CCDC102B: variants seen among roughly 807,000 people sequenced by gnomAD.
CCDC102B encodes the protein coiled-coil domain containing 102B.
Under a neutral mutation model 57.4 loss-of-function variants are expected in CCDC102B, and 75 were observed. The observed-to-expected ratio is 1.31, with a 90% CI of 1.08 to 1.58. The LOEUF (loss-of-function observed/expected upper bound fraction) is 1.58. CCDC102B is among the 40% of genes most tolerant of loss of function. CCDC102B has a pLI of 0.00. For synonymous variants in CCDC102B, 206 were observed against 201.9 expected (o/e 1.02, Z -0.17); for missense variants, 636 against 582.6 (o/e 1.09, Z -0.94).
intron 6 of CCDC102B, among the ~76,000 whole-genome samples, chr18:68,946,052 G>A (rs2049528958): frequency 6.6e-6 from 1 of 151,838 alleles, no homozygotes; most frequent in Non-Finnish European, 1.5e-5. Flanking sequence ...CTGGAAAGTA[G>A]TTTGTAGCTT....
intron 1 of CCDC102B, among the ~76,000 whole-genome samples, chr18:68,813,818 T>G (rs2144719425): frequency 6.6e-6 from 1 of 150,914 alleles, no homozygotes; most frequent in South Asian, 2.1e-4. Flanking sequence ...TGTAGAACAC[T>G]TTTGAAAGGG....
At chr18:68,911,368 A>G (rs2040839976) in intron 6 of CCDC102B, among the ~76,000 whole-genome samples, 1 of 152,186 alleles carries the variant, frequency 6.6e-6, no homozygotes, top group Non-Finnish European at 1.5e-5. Flanking sequence ...CTCACTTACA[A>G]GAGGGTGTTA....
intron 6 of CCDC102B, among the ~76,000 whole-genome samples, chr18:68,920,582 A>G (rs1448428296): frequency 1.3e-5 from 2 of 152,126 alleles, no homozygotes; most frequent in Non-Finnish European, 2.9e-5. Flanking sequence ...CACTTCTCAC[A>G]CTGCTATGAA....
rs529625104 is a variant in CCDC102B, at chr18:68,832,172, A to G, written c.-15-4577A>G. Among the ~76,000 whole-genome samples the G allele has an allele frequency of 1.2e-4, 18 of 152,328 alleles. No homozygotes were observed. The South Asian group carries it at 3.5e-3, about 30-fold the overall frequency. On this transcript the variant is annotated intron_variant, in intron 1 of 7. Coordinates refer to ENST00000360242, the MANE Select transcript of CCDC102B (RefSeq NM_024781.3). Reference sequence around the variant, plus strand: ...TAAGATAAAGCAATAACGATAAACAATAAGACAAAAATCTTTTTAATGTCT... The same window carrying G: ...TAAGATAAAGCAATAACGATAAACAGTAAGACAAAAATCTTTTTAATGTCT...
chr18:68,884,628 C>T (rs2039814481), intron 5 of CCDC102B, among the ~76,000 whole-genome samples: 1 of 150,858 alleles, frequency 6.6e-6, no homozygotes, highest in African/African-American at 2.4e-5. Context: ...ACATCTCCAT[C>T]ATATATACAT....
chr18:68,817,779 G>T (rs141459036), intron 1 of CCDC102B, among the ~76,000 whole-genome samples: 37 of 152,258 alleles, frequency 2.4e-4, no homozygotes, highest in African/African-American at 8.7e-4. Context: ...CACATCATCT[G>T]CTGAGACTCA....
chr18:68,909,714 G>T (rs1193752131), intron 6 of CCDC102B, among the ~76,000 whole-genome samples: 1 of 152,154 alleles, frequency 6.6e-6, no homozygotes, highest in Non-Finnish European at 1.5e-5. Context: ...AAGACTGGCT[G>T]GCTATGTGCA....
At chr18:68,784,476 G>A (rs1438865743) in intron 2 of CCDC102B, among the ~76,000 whole-genome samples, 1 of 151,968 alleles carries the variant, frequency 6.6e-6, no homozygotes, top group Non-Finnish European at 1.5e-5. Context: ...ATTACAATTC[G>A]ACATGAAATT....
intron 5 of CCDC102B, 65 bp downstream of exon 5, chr18:68,874,850 C>T (rs1324482200): frequency 9.8e-7 from 1 of 1,023,348 alleles, no homozygotes; most frequent in Non-Finnish European, 1.5e-6. Context: ...AAATGCCATA[C>T]TATTTTAAGT....
chr18:68,730,858 C>G (rs1190699942), intron 2 of CCDC102B, among the ~76,000 whole-genome samples: 1 of 152,142 alleles, frequency 6.6e-6, no homozygotes, highest in Non-Finnish European at 1.5e-5. Context: ...AAGGTATCAA[C>G]AGTATCAAAA....
intron 5 of CCDC102B, among the ~76,000 whole-genome samples, chr18:68,880,247 C>T (rs1272797439): frequency 6.6e-6 from 1 of 152,220 alleles, no homozygotes; most frequent in Non-Finnish European, 1.5e-5. Context: ...GGTGCTAAGC[C>T]CCTCATTGCC....
At chr18:68,723,477 AG>A (rs2032451829) in intron 2 of CCDC102B, among the ~76,000 whole-genome samples, 1 of 152,230 alleles carries the variant, frequency 6.6e-6, no homozygotes, top group African/African-American at 2.4e-5. Context: ...CAAAATCAAA[AG>A]CAAGGCAGTT....
intron 2 of CCDC102B, among the ~76,000 whole-genome samples, chr18:68,780,765 G>A (rs1310872759): frequency 2.6e-5 from 4 of 151,954 alleles, no homozygotes; most frequent in Non-Finnish European, 5.9e-5. Flanking sequence ...ATGTTACTTG[G>A]ATCAGAAACA....
At chr18:68,786,629 G>A (rs2144648177) in intron 2 of CCDC102B, among the ~76,000 whole-genome samples, 1 of 139,356 alleles carries the variant, frequency 7.2e-6, no homozygotes, top group African/African-American at 2.7e-5. Flanking sequence ...CTCTCTGTTT[G>A]TCTGTTATTG....
intron 5 of CCDC102B, among the ~76,000 whole-genome samples, chr18:68,884,167 T>A (rs1294786758): frequency 6.6e-6 from 1 of 152,072 alleles, no homozygotes; most frequent in Non-Finnish European, 1.5e-5. Context: ...CCTCTGCGAA[T>A]ATACATAAAG....
At chr18:68,919,824 T>C (rs2041211530) in intron 6 of CCDC102B, among the ~76,000 whole-genome samples, 1 of 152,184 alleles carries the variant, frequency 6.6e-6, no homozygotes. Flanking sequence ...CTTCAATAAT[T>C]GTTGTGGTGA....
intron 6 of CCDC102B, among the ~76,000 whole-genome samples, chr18:68,968,369 A>G (rs757186812): frequency 1.3e-5 from 2 of 152,162 alleles, no homozygotes; most frequent in Non-Finnish European, 2.9e-5. Flanking sequence ...CTTTGCTTTA[A>G]ACTTCTTATT....
intron 5 of CCDC102B, among the ~76,000 whole-genome samples, chr18:68,891,653 G>A (rs183434232): frequency 2.6e-5 from 4 of 152,280 alleles, no homozygotes; most frequent in African/African-American, 9.6e-5. Context: ...TCAGTCTCTG[G>A]TGAGGTCTCT....
At position 68,934,835 on chromosome 18, in the gene CCDC102B, C is replaced by T. The variant is rs534757891; in HGVS notation, c.1263+37407C>T. ...TCATTCAATGAATATTTAGTACCTC[C>T]TCTGCTTTACACTGTTCTTAAGATA... is the stretch of plus-strand genomic sequence containing the variant. On this transcript the variant is annotated intron_variant, in intron 6 of 7. Coordinates refer to ENST00000360242, the MANE Select transcript of CCDC102B (RefSeq NM_024781.3). Among the ~76,000 whole-genome samples the T allele has an allele frequency of 7.3e-5, 11 of 151,696 alleles. No homozygotes were observed. In the South Asian group the frequency reaches 1.7e-3, roughly 23 times the overall value.
Sources: gnomAD v4.1 joint callset for allele counts (sites outside exome capture counted in the v4.1 genomes callset) on GRCh38, gnomAD v4.1.1 for gene constraint, MANE v1.5 for transcripts, NCBI Gene and HGNC (gene_info 2026-07-23, HGNC 2026-07-21) for gene names.